SLC25A13: variants seen among roughly 807,000 people sequenced by gnomAD.
SLC25A13 encodes electrogenic aspartate/glutamate antiporter SLC25A13, mitochondrial.
A neutral mutation model predicts 85.5 loss-of-function variants in SLC25A13; 70 were observed. The observed-to-expected ratio is 0.82, with a 90% confidence interval of 0.68 to 1.00. SLC25A13 has a LOEUF of 1.00. Ranked by LOEUF, SLC25A13 falls within the 50% of genes least tolerant of loss-of-function variation. The probability of loss-of-function intolerance (pLI) is 0.00; values close to 1 mark genes in which losing one functional copy is unlikely to be tolerated. For missense variants in SLC25A13, 765 were observed against 819.8 expected (o/e 0.93, Z 0.82); for synonymous variants, 259 against 288.7 (o/e 0.90, Z 1.04).
chr7:96,271,922 G>C (rs1798253894), intron 3 of SLC25A13, among the ~76,000 whole-genome samples: 1 of 151,946 alleles, frequency 6.6e-6, no homozygotes, highest in Non-Finnish European at 1.5e-5. Context: ...GTCTTGCTCT[G>C]TCACCCAAGC....
intron 14 of SLC25A13, among the ~76,000 whole-genome samples, chr7:96,134,186 C>T (rs1792163016): frequency 6.6e-6 from 1 of 151,744 alleles, no homozygotes; most frequent in Admixed American, 6.6e-5. Context: ...AGGTGCCTGC[C>T]ACCACGCCCA....
intron 13 of SLC25A13, chr7:96,169,719 G>T (rs1793919798): frequency 3.0e-6 from 1 of 337,628 alleles, no homozygotes; most frequent in Non-Finnish European, 5.5e-6. Context: ...AGGAAAGAAT[G>T]TACTAAAAAT....
intron 3 of SLC25A13, among the ~76,000 whole-genome samples, chr7:96,253,683 G>C (rs1199547359): frequency 6.6e-6 from 1 of 152,156 alleles, no homozygotes; most frequent in African/African-American, 2.4e-5. Flanking sequence ...AGACAGCATA[G>C]GAAGTGTTTG....
chr7:96,273,429 G>A (rs1415632213), intron 3 of SLC25A13, among the ~76,000 whole-genome samples: 1 of 152,180 alleles, frequency 6.6e-6, no homozygotes, highest in Non-Finnish European at 1.5e-5. Context: ...TTTAAATATG[G>A]AATAGACATT....
chr7:96,271,933 T>A (rs1356456782), intron 3 of SLC25A13, among the ~76,000 whole-genome samples: 1 of 152,152 alleles, frequency 6.6e-6, no homozygotes, highest in African/African-American at 2.4e-5. Flanking sequence ...TCACCCAAGC[T>A]GGAGTGCAAT....
intron 4 of SLC25A13, among the ~76,000 whole-genome samples, chr7:96,221,375 C>T (rs1461213596): frequency 6.6e-6 from 1 of 152,162 alleles, no homozygotes; most frequent in East Asian, 1.9e-4. Flanking sequence ...CTTTACCTCT[C>T]ATAAAATAAA....
At chr7:96,310,474 T>C (rs1004831607) in intron 1 of SLC25A13, among the ~76,000 whole-genome samples, 1 of 152,236 alleles carries the variant, frequency 6.6e-6, no homozygotes, top group African/African-American at 2.4e-5. Context: ...ATAATGCTAG[T>C]TTATCCCATT....
At chr7:96,232,462 G>A (rs1035743796) in intron 4 of SLC25A13, among the ~76,000 whole-genome samples, 6 of 151,860 alleles carry the variant, frequency 4.0e-5, no homozygotes, top group Non-Finnish European at 7.4e-5. Context: ...GTGGGAGGAG[G>A]GAGAGAATCA....
chr7:96,156,483 C>T (rs1793268355), intron 13 of SLC25A13, among the ~76,000 whole-genome samples: 1 of 148,232 alleles, frequency 6.7e-6, no homozygotes, highest in South Asian at 2.2e-4. Flanking sequence ...ACAGAATCTC[C>T]GTCTGTCGCC....
intron 11 of SLC25A13, among the ~76,000 whole-genome samples, chr7:96,180,824 C>T (rs1030915733): frequency 3.9e-5 from 6 of 152,284 alleles, no homozygotes; most frequent in African/African-American, 9.6e-5. Context: ...TTCTTTAATA[C>T]GCCAGATCTA....
At chr7:96,231,211 C>T (rs746537336) in intron 4 of SLC25A13, among the ~76,000 whole-genome samples, 22 of 152,092 alleles carry the variant, frequency 1.4e-4, no homozygotes, top group Non-Finnish European at 2.6e-4. Flanking sequence ...GATTTCATGA[C>T]AAAGACACCA....
intron 4 of SLC25A13, among the ~76,000 whole-genome samples, chr7:96,220,345 A>G (rs907732747): frequency 3.9e-5 from 6 of 152,232 alleles, no homozygotes; most frequent in African/African-American, 1.4e-4. Flanking sequence ...ACAAATGTAC[A>G]CCCACAGTGA....
intron 14 of SLC25A13, among the ~76,000 whole-genome samples, chr7:96,136,947 C>T (rs1347861882): frequency 6.6e-6 from 1 of 152,160 alleles, no homozygotes; most frequent in Non-Finnish European, 1.5e-5. Context: ...GTCGTCAGAG[C>T]CACCCAGCCC....
intron 4 of SLC25A13, among the ~76,000 whole-genome samples, chr7:96,213,925 A>AT (rs1286277228): frequency 6.6e-6 from 1 of 152,164 alleles, no homozygotes; most frequent in Non-Finnish European, 1.5e-5. Flanking sequence ...TAGAATGCTT[A>AT]TTTTTTAAAG....
At chr7:96,188,676 T>C (rs187380046) in intron 9 of SLC25A13, among the ~76,000 whole-genome samples, 4 of 152,366 alleles carry the variant, frequency 2.6e-5, no homozygotes, top group East Asian at 1.9e-4. Flanking sequence ...GAAAGTTCCA[T>C]GTCTTAAGTT....
intron 3 of SLC25A13, among the ~76,000 whole-genome samples, chr7:96,271,031 C>G (rs1798220473): frequency 6.6e-6 from 1 of 152,196 alleles, no homozygotes; most frequent in African/African-American, 2.4e-5. Context: ...CCCACCTAAA[C>G]AATCCAGAGT....
intron 10 of SLC25A13, among the ~76,000 whole-genome samples, 165 bp downstream of exon 10, chr7:96,184,762 G>A (rs1794559911): frequency 6.6e-6 from 1 of 152,234 alleles, no homozygotes; most frequent in Admixed American, 6.5e-5. Context: ...GCAGGTATGG[G>A]AAAAGAGTTC....
intron 3 of SLC25A13, among the ~76,000 whole-genome samples, chr7:96,243,571 T>C (rs1797072572): frequency 6.6e-6 from 1 of 152,088 alleles, no homozygotes; most frequent in African/African-American, 2.4e-5. Flanking sequence ...TCTCAAGTGA[T>C]TGTACTACAT....
intron 3 of SLC25A13, among the ~76,000 whole-genome samples, chr7:96,275,905 G>A (rs1798432046): frequency 6.6e-6 from 1 of 152,182 alleles, no homozygotes; most frequent in African/African-American, 2.4e-5. Context: ...TGGGTGACAA[G>A]TGCATAAATA....
Sources: gnomAD v4.1 joint callset for allele counts (sites outside exome capture counted in the v4.1 genomes callset) on GRCh38, gnomAD v4.1.1 for gene constraint, MANE v1.5 for transcripts, NCBI Gene and HGNC (gene_info 2026-07-23, HGNC 2026-07-21) for gene names.